Variants in RELL1 observed in about 807,000 individuals in gnomAD.
The protein encoded by RELL1 is RELT like 1, also known as RELT-like protein 1.
In RELL1, 10 loss-of-function variants were observed where a neutral mutation model predicts 23.0. That is an observed-to-expected ratio of 0.43 (90% CI 0.27 to 0.74). RELL1 has a LOEUF of 0.74. Among genes scored for constraint, RELL1 ranks in the 30% least tolerant of loss-of-function variants. The pLI is 0.19. For synonymous variants in RELL1, 146 were observed against 146.8 expected, an observed-to-expected ratio of 0.99 and a Z score of 0.04; for missense variants, 315 against 364.4, an observed-to-expected ratio of 0.86 and a Z score of 1.10.
At chr4:37,614,978 T>C (rs1315455132) in intron 6 of RELL1, among the ~76,000 whole-genome samples, 1 of 152,052 alleles carries the variant, frequency 6.6e-6, no homozygotes, top group African/African-American at 2.4e-5. Context: ...CAGGCTAAGC[T>C]AAAAAGGAGG....
chr4:37,618,130 G>C (rs1679661467), intron 6 of RELL1, among the ~76,000 whole-genome samples: 1 of 152,144 alleles, frequency 6.6e-6, no homozygotes, highest in African/African-American at 2.4e-5. Flanking sequence ...AACACAACTG[G>C]AATATTTTAT....
intron 1 of RELL1, among the ~76,000 whole-genome samples, chr4:37,658,235 A>G (rs1408951122): frequency 6.6e-6 from 1 of 152,080 alleles, no homozygotes; most frequent in Non-Finnish European, 1.5e-5. Context: ...ACTGTATGAG[A>G]CCACTCAGGG....
downstream of RELL1, chr4:37,590,354 G>A: frequency 6.2e-7 from 1 of 1,613,704 alleles, no homozygotes; most frequent in Non-Finnish European, 8.5e-7. Context: ...GGTGTCAACG[G>A]CATCGGCCCT....
rs1719124803 is a variant in RELL1, at chr4:37,604,834, C to CACACACAGACACACACAT, written c.*4-13618_*4-13617insATGTGTGTGTCTGTGTGT. 1.1e-4 allele frequency among the ~76,000 whole-genome samples: 12 copies of CACACACAGACACACACAT among 105,368 alleles called. 1 individual carries two copies. Among genetic ancestry groups the CACACACAGACACACACAT allele is most frequent in the Admixed American group, 5.1e-4 (5 of 9,848 alleles). The allele number at this position is 105,368 out of a possible 152,430, so 69.1% of individuals were successfully genotyped here. ...AGACACACACACAGACACACACATA[C>CACACACAGACACACACAT]ACACAGACACACACACAGACACACA... On this transcript the variant is annotated intron_variant, in intron 6 of 6. Coordinates refer to the RELL1 transcript ENST00000314117.
At chr4:37,598,866 G>A (rs186879596) in intron 6 of RELL1, among the ~76,000 whole-genome samples, 222 of 152,146 alleles carry the variant, frequency 1.5e-3, no homozygotes, top group Non-Finnish European at 2.3e-3. Context: ...TTGTATTTTA[G>A]TAGAGACAAG....
intron 6 of RELL1, among the ~76,000 whole-genome samples, chr4:37,600,439 G>C (rs1577555354): frequency 6.6e-6 from 1 of 152,090 alleles, no homozygotes; most frequent in East Asian, 1.9e-4. Flanking sequence ...AACTGGGTAA[G>C]TTCTGTTCTA....
chr4:37,666,005 G>C (rs1196743897), intron 1 of RELL1, among the ~76,000 whole-genome samples: 2 of 152,190 alleles, frequency 1.3e-5, no homozygotes, highest in African/African-American at 4.8e-5. Context: ...GGCAGAGGGA[G>C]AAAGAGAGAT....
At chr4:37,634,166 C>A (rs879182508) in intron 5 of RELL1, among the ~76,000 whole-genome samples, 9 of 152,374 alleles carry the variant, frequency 5.9e-5, no homozygotes, top group Admixed American at 4.6e-4. Flanking sequence ...ACTGCAAGAT[C>A]TCCACCTCAC....
intron 6 of RELL1, among the ~76,000 whole-genome samples, chr4:37,614,622 A>AG (rs1475096849): frequency 4.0e-5 from 6 of 151,760 alleles, no homozygotes; most frequent in Admixed American, 2.0e-4. Flanking sequence ...ATTCTAGCAG[A>AG]GGGGGAAAAA....
chr4:37,649,831 T>G (rs115270323), intron 1 of RELL1, among the ~76,000 whole-genome samples: 241 of 152,358 alleles, frequency 1.6e-3, no homozygotes, highest in African/African-American at 5.6e-3. Context: ...CATGTAACAT[T>G]ACAAACACAG....
In RELL1 at chr4:37,594,907, C is replaced by T. The variant is rs58319755; in HGVS notation, c.*4-3690G>A. ...CCCTGGTTTGGTCGTCTGTGTGCAACCATGCAGCAGATAGAGCACAGTCAC... is the reference window on the plus strand; with the variant it reads ...CCCTGGTTTGGTCGTCTGTGTGCAATCATGCAGCAGATAGAGCACAGTCAC... On this transcript the variant is annotated intron_variant, in intron 6 of 6. Transcript: ENST00000314117. Among the ~76,000 whole-genome samples the T allele has an allele frequency of 1.6e-4, 25 of 152,316 alleles. No homozygotes were observed. The East Asian group carries it at 3.5e-3, about 21-fold the overall frequency.
At chr4:37,649,759 T>C (rs1232531127) in intron 1 of RELL1, among the ~76,000 whole-genome samples, 1 of 152,232 alleles carries the variant, frequency 6.6e-6, no homozygotes, top group Non-Finnish European at 1.5e-5. Flanking sequence ...TCTTCTTCAT[T>C]GTGGAATGAG....
At chr4:37,642,514 T>G (rs1720563947) in intron 3 of RELL1, among the ~76,000 whole-genome samples, 1 of 152,174 alleles carries the variant, frequency 6.6e-6, no homozygotes, top group Non-Finnish European at 1.5e-5. Flanking sequence ...ATAGTCAGAG[T>G]GCAGGTGTGG....
rs528588817 is a variant in RELL1 at position 37,651,485 on chromosome 4, G to A, written c.89-1985C>T. Reference sequence around the variant, plus strand: ...CACTGCTCAAGAAACCCAGAAATTGGAAAGCTAGAGACATTTAAATATAAG... The same window carrying A: ...CACTGCTCAAGAAACCCAGAAATTGAAAAGCTAGAGACATTTAAATATAAG... On this transcript the variant is annotated intron_variant, in intron 1 of 6. Coordinates refer to ENST00000454158, the MANE Select transcript of RELL1 (RefSeq NM_001085400.2). Among the ~76,000 whole-genome samples, 7 of 152,298 alleles carry A rather than the reference G, an allele frequency of 4.6e-5. No homozygotes were observed. In the South Asian group the frequency reaches 1.5e-3, roughly 32 times the overall value.
Position 37,604,866 on chromosome 4 carries a change from GACAC to G in RELL1, c.*4-13653_*4-13650del, listed in dbSNP as rs752355951. ...ACACACACACAGACACACACACACAGACACACACACACATACACACAGACACACA... is the reference window on the plus strand; with the variant it reads ...ACACACACACAGACACACACACACAGACACACACATACACACAGACACACA... On this transcript the variant is annotated intron_variant, in intron 6 of 6. Transcript: ENST00000314117. 6.4e-3 allele frequency among the ~76,000 whole-genome samples: 365 copies of G among 56,854 alleles called. 13 individuals carry two copies. The highest frequency in any genetic ancestry group is 0.021 in the Middle Eastern group (2 of 96). The allele number at this position is 56,854 out of a possible 152,430, so 37.3% of individuals were successfully genotyped here. A position where few individuals can be genotyped will look rare whatever the true frequency, so the allele number is the denominator to read the frequency against.
intron 5 of RELL1, among the ~76,000 whole-genome samples, chr4:37,631,774 G>A (rs1303277251): frequency 6.6e-6 from 1 of 152,002 alleles, no homozygotes; most frequent in African/African-American, 2.4e-5. Context: ...CATGCAAAAG[G>A]CATTTAAAAA....
chr4:37,618,746 T>TTAAG (rs1237339293), intron 6 of RELL1, among the ~76,000 whole-genome samples: 1 of 152,214 alleles, frequency 6.6e-6, no homozygotes, highest in African/African-American at 2.4e-5. Flanking sequence ...GAGTACATAT[T>TTAAG]TAAGTTTTTA....
At chr4:37,657,253 T>C (rs1242529503) in intron 1 of RELL1, among the ~76,000 whole-genome samples, 2 of 152,180 alleles carry the variant, frequency 1.3e-5, no homozygotes, top group African/African-American at 4.8e-5. Context: ...TTGGTGGCCT[T>C]GCTGGAGCAG....
At chr4:37,603,862 A>G (rs1338192899) in intron 6 of RELL1, among the ~76,000 whole-genome samples, 1 of 152,192 alleles carries the variant, frequency 6.6e-6, no homozygotes, top group Non-Finnish European at 1.5e-5. Context: ...TCTGTCACCT[A>G]GGCTTGAATG....
Sources: allele counts gnomAD v4.1 joint callset (sites outside exome capture counted in the v4.1 genomes callset), GRCh38; gene constraint gnomAD v4.1.1; transcripts MANE v1.5; gene names NCBI Gene and HGNC (gene_info 2026-07-23, HGNC 2026-07-21).